The following PREPL variants were observed in gnomAD, a reference collection of about 807,000 sequenced individuals.
PREPL encodes the protein prolyl endopeptidase like, also known as prolyl endopeptidase-like.
In PREPL, 77 loss-of-function variants were observed where a neutral mutation model predicts 70.6. The ratio of observed to expected loss-of-function variants is 1.09; its 90% CI spans 0.91 to 1.32. The LOEUF (loss-of-function observed/expected upper bound fraction) is 1.32, where lower values mean the gene tolerates loss of function less well. Among genes scored for constraint, PREPL ranks in the 40% most tolerant of loss-of-function variants. PREPL has a pLI of 0.00. For synonymous variants in PREPL, 315 were observed against 264.8 expected (o/e 1.19, Z -1.84); for missense variants, 1,002 against 778.2 (o/e 1.29, Z -3.42).
At position 44,318,044 on chromosome 2, in the gene PREPL, C is replaced by A. The variant is rs1672576071; in HGVS notation, c.*3312G>T. 2.4e-6 allele frequency: 1 copy of A among 421,938 alleles called. No homozygotes were observed. The highest frequency in any genetic ancestry group is 8.2e-5 in the East Asian group (1 of 12,174). The allele number at this position is 421,938 out of a possible 1,614,324, so 26.1% of individuals were successfully genotyped here. ...TGACCTAATAATTCCATTCCTAATA[C>A]TTAGAAATATTTGCACATGTGCACA... On this transcript the variant is annotated 3_prime_UTR_variant, in exon 14 of 14. Coordinates refer to ENST00000409411, the MANE Select transcript of PREPL (RefSeq NM_001171613.2).
At chr2:44,339,679 C>T (rs979104198) in intron 5 of PREPL, among the ~76,000 whole-genome samples, 1 of 152,190 alleles carries the variant, frequency 6.6e-6, no homozygotes, top group Non-Finnish European at 1.5e-5. Flanking sequence ...TATTACATAT[C>T]TATGCACCTA....
At chr2:44,338,618 G>T in intron 6 of PREPL, 82 bp from the exon 7 acceptor site, 1 of 1,095,776 alleles carries the variant, frequency 9.1e-7, no homozygotes, top group Non-Finnish European at 1.3e-6. Context: ...CTGAGAACTA[G>T]ACCATACTAG....
chr2:44,323,297 T>C lies in PREPL; in HGVS notation c.1594A>G (p.Lys532Glu), dbSNP rs1673166034. ...SSDEKHKNYI[K>E]RYCPYQNIKP... ...ATATTTTGATAGGGACAGTAACGTT[T>C]TATGTAGTTCTTGTGTTTTTCATCA... The change falls in exon 11 of 14, where the codon AAA becomes GAA. Residue 532 changes from lysine to glutamate, a missense_variant. By Grantham distance (56) the Lys-to-Glu change is moderately conservative. Coordinates refer to ENST00000409411, the MANE Select transcript of PREPL (RefSeq NM_001171613.2). 3 of 1,607,848 alleles carry C rather than the reference T, an allele frequency of 1.9e-6. No individual in the cohort carries two copies. The highest frequency in any genetic ancestry group is 1.6e-4 in the Middle Eastern group (1 of 6,070).
intron 2 of PREPL, 65 bp downstream of exon 2, chr2:44,346,203 G>A: frequency 4.2e-6 from 6 of 1,437,340 alleles, no homozygotes; most frequent in Non-Finnish European, 5.8e-6. Context: ...AAATCACCAA[G>A]TATCTCATTT....
intron 5 of PREPL, 82 bp downstream of exon 5, chr2:44,342,335 G>C (rs2304769): frequency 1.5e-6 from 2 of 1,293,494 alleles, no homozygotes; most frequent in East Asian, 2.4e-5. Context: ...CAAAATAAAC[G>C]TTTTAAGTCA....
At chr2:44,345,799 A>G (rs1675742619) in intron 2 of PREPL, among the ~76,000 whole-genome samples, 1 of 152,208 alleles carries the variant, frequency 6.6e-6, no homozygotes, top group Non-Finnish European at 1.5e-5. Flanking sequence ...AAATAATAAC[A>G]AAGTATGAAC....
chr2:44,357,638 G>T (rs904931410), intron 1 of PREPL, among the ~76,000 whole-genome samples: 1 of 152,152 alleles, frequency 6.6e-6, no homozygotes, highest in Non-Finnish European at 1.5e-5. Context: ...ACAAATGGAG[G>T]GAAGAAATAG....
At position 44,332,569 on chromosome 2, in the gene PREPL, G is replaced by C; in HGVS notation, c.976C>G (p.Pro326Ala). 6.2e-7 allele frequency: 1 copy of C among 1,613,802 alleles called. No homozygotes were observed. The highest frequency in any genetic ancestry group is 8.5e-7 in the Non-Finnish European group (1 of 1,179,702). ...PFQLCSPIRP[P>A]KYYTYKFAEG... ...GCAAACTTGTATGTGTAATATTTTGGGGGACGTATTGGAGAGCAAAGTTGA... is the reference window on the plus strand; with the variant it reads ...GCAAACTTGTATGTGTAATATTTTGCGGGACGTATTGGAGAGCAAAGTTGA... Residue 326 changes from proline to alanine, a missense_variant, in exon 8 of 14, where the codon CCA becomes GCA. Physicochemically the swap from Pro to Ala is conservative, Grantham distance 27. Coordinates refer to ENST00000409411, the MANE Select transcript of PREPL (RefSeq NM_001171613.2).
rs35003986 is a variant in PREPL at position 44,331,946 on chromosome 2, CTTT to C, written c.1086+510_1086+512del. ...AAAAGTTTGACATGCTATAAATTTT[CTTT>C]TTTTTTTTTTTTTTTGAGACGGAGT... On this transcript the variant is annotated intron_variant, in intron 8 of 13. Coordinates refer to ENST00000409411, the MANE Select transcript of PREPL (RefSeq NM_001171613.2). 1.2e-3 allele frequency among the ~76,000 whole-genome samples: 141 copies of C among 121,668 alleles called. 1 individual carries two copies. Among genetic ancestry groups the C allele is most frequent in the South Asian group, 1.6e-3 (6 of 3,822 alleles). The allele number at this position is 121,668 out of a possible 152,430, so 79.8% of individuals were successfully genotyped here. A position where few individuals can be genotyped will look rare whatever the true frequency, so the allele number is the denominator to read the frequency against.
chr2:44,342,052 A>C (rs1675283141), intron 5 of PREPL, among the ~76,000 whole-genome samples: 1 of 152,180 alleles, frequency 6.6e-6, no homozygotes, highest in African/African-American at 2.4e-5. Context: ...ATACTGACTA[A>C]ATAGCACTAT....
chr2:44,342,077 C>G (rs975168233), intron 5 of PREPL, among the ~76,000 whole-genome samples: 1 of 152,134 alleles, frequency 6.6e-6, no homozygotes, highest in African/African-American at 2.4e-5. Context: ...ACCTGGCACC[C>G]TGCTTATCAA....
chr2:44,361,039 G>GA (rs1677716699), intron 1 of PREPL, among the ~76,000 whole-genome samples: 1 of 152,122 alleles, frequency 6.6e-6, no homozygotes, highest in African/African-American at 2.4e-5. Flanking sequence ...AAAAAAAGGG[G>GA]AAAAAAGACC....
intron 9 of PREPL, 119 bp from the exon 10 acceptor site, chr2:44,327,047 T>C (rs1052403394): frequency 1.6e-5 from 14 of 853,256 alleles, no homozygotes; most frequent in Admixed American, 1.0e-4. Context: ...AGACTGGTTT[T>C]TGCTTTTTAA....
At position 44,342,429 on chromosome 2, in the gene PREPL, T is replaced by C; in HGVS notation, c.473A>G (p.Glu158Gly). ...DNKRNERFYT[E>G]KDPSYFVFLY... Reference sequence around the variant, plus strand: ...ATTATTCTAGTACCTTGGGTCTTTTTCTGTGTAAAAGCGTTCATTACGTTT... The same window carrying C: ...ATTATTCTAGTACCTTGGGTCTTTTCCTGTGTAAAAGCGTTCATTACGTTT... Residue 158 changes from glutamate to glycine, a missense_variant, in exon 5 of 14, where the codon GAA (glutamate) becomes GGA (glycine). Transcript: ENST00000409411. 6.2e-7 allele frequency: 1 copy of C among 1,610,408 alleles called. No individual in the cohort carries two copies. The highest frequency in any genetic ancestry group is 8.5e-7 in the Non-Finnish European group (1 of 1,178,020).
rs1672688899 is a variant in PREPL at position 44,319,009 on chromosome 2, G to C, written c.*2347C>G. The C allele has an allele frequency of 6.6e-6, 1 of 152,098 alleles. No homozygotes were observed. The highest frequency in any genetic ancestry group is 1.5e-5 in the Non-Finnish European group (1 of 68,018). The allele number at this position is 152,098 out of a possible 1,614,324, so 9.4% of individuals were successfully genotyped here. ...GACAATAATAGCTAACACTTACCGG[G>C]CACTTCTTATGTGAGTGGCACTGAA... On this transcript the variant is annotated 3_prime_UTR_variant, in exon 14 of 14. Transcript: ENST00000409411.
rs1675819084 is a variant in PREPL, at chr2:44,346,335, G to A, written c.8C>T (p.Ala3Val). The A allele has an allele frequency of 1.2e-6, 2 of 1,611,890 alleles. No individual in the cohort carries two copies. Among genetic ancestry groups the A allele is most frequent in the Non-Finnish European group, 1.7e-6 (2 of 1,178,566 alleles). ...TAATTTTGTTCTCACTTTTTCAAATGCATCCATGTTTTCTGGAAGGGGTTT... is the reference window on the plus strand; with the variant it reads ...TAATTTTGTTCTCACTTTTTCAAATACATCCATGTTTTCTGGAAGGGGTTT... MD[A>V]FEKVRTKLET... The change falls in exon 2 of 14, where the codon GCA (alanine) becomes GTA (valine). Residue 3 changes from alanine to valine, a missense_variant. Transcript: ENST00000409411.
At chr2:44,361,814 G>A, upstream of PREPL, 1 of 1,103,300 alleles carries the variant, frequency 9.1e-7, no homozygotes, top group Non-Finnish European at 1.2e-6. Context: ...ATGGTGCAAT[G>A]GCGTGACAGC....
chr2:44,358,727 C>T (rs1396170801), intron 1 of PREPL, among the ~76,000 whole-genome samples: 2 of 152,158 alleles, frequency 1.3e-5, no homozygotes, highest in African/African-American at 4.8e-5. Context: ...GTTGAGTTCA[C>T]GCCCACAGCT....
chr2:44,343,643 T>A lies in PREPL; in HGVS notation c.349+102A>T, dbSNP rs1021630692. 5 of 995,302 alleles carry A rather than the reference T, an allele frequency of 5.0e-6. No individual in the cohort carries two copies. The African/African-American group carries it at 8.0e-5, about 16-fold the overall frequency. 61.7% of individuals were successfully genotyped at this position (995,302 alleles called of 1,614,324 possible). On this transcript the variant is annotated intron_variant, in intron 4 of 13. Coordinates refer to ENST00000409411, the MANE Select transcript of PREPL (RefSeq NM_001171613.2). ...TGTATAGTCCATAGGGATACATGAA[T>A]CAGGCATTCACCTTCTCCCTCCCTC...
Sources: gnomAD v4.1 joint callset for allele counts (sites outside exome capture counted in the v4.1 genomes callset) on GRCh38, gnomAD v4.1.1 for gene constraint, MANE v1.5 for transcripts, NCBI Gene and HGNC (gene_info 2026-07-23, HGNC 2026-07-21) for gene names.